COL27A1: variants seen among roughly 807,000 people sequenced by gnomAD.
The protein encoded by COL27A1 is collagen alpha-1(XXVII) chain.
COL27A1 carries 106 observed loss-of-function variants against 251.3 expected under a neutral mutation model. The ratio of observed to expected loss-of-function variants is 0.42; its 90% CI spans 0.36 to 0.50. The LOEUF (loss-of-function observed/expected upper bound fraction) is 0.50. Ranked by LOEUF, COL27A1 falls within the 20% of genes least tolerant of loss-of-function variation. The pLI is 0.00. For synonymous variants in COL27A1, 1,000 were observed against 986.3 expected (o/e 1.01, Z -0.26); for missense variants, 2,325 against 2,522.8 (o/e 0.92, Z 1.68).
intron 5 of COL27A1, among the ~76,000 whole-genome samples, chr9:114,192,152 G>A (rs1249934373): frequency 6.6e-6 from 1 of 152,196 alleles, no homozygotes; most frequent in Admixed American, 6.5e-5. Flanking sequence ...TAAGGACCTT[G>A]GGCAAGGGAG....
At chr9:114,265,775 C>T (rs1355256607) in intron 32 of COL27A1, among the ~76,000 whole-genome samples, 6 of 152,120 alleles carry the variant, frequency 3.9e-5, no homozygotes, top group Non-Finnish European at 8.8e-5. Context: ...CAGGGAAAGG[C>T]AGGAGGGAGG....
intron 25 of COL27A1, among the ~76,000 whole-genome samples, chr9:114,250,887 C>G (rs2808799): frequency 0.41 from 62,099 of 151,894 alleles, 13,328 homozygotes; most frequent in East Asian, 0.76. Flanking sequence ...CACAGTTAGA[C>G]TTTTGTGTGA....
chr9:114,258,339 C>G (rs552198729), intron 27 of COL27A1, among the ~76,000 whole-genome samples: 4 of 152,294 alleles, frequency 2.6e-5, no homozygotes, highest in African/African-American at 7.2e-5. Context: ...TGGCTGTGTT[C>G]GAGGCTGTGG....
Position 114,167,894 on chromosome 9 carries a change from C to T in COL27A1, c.339C>T (p.Phe113=). The part of the protein sequence containing the change: ...SLCSHRVNHA[F]LFAVRSQKRK... ...GCTCCCACCGGGTGAACCATGCCTT[C>T]CTCTTCGCTGTCCGCAGCCAGAAAC... Residue 113 remains phenylalanine (F), a synonymous_variant, in exon 3 of 61, where the codon TTC becomes TTT. Transcript: ENST00000356083. 6.2e-7 allele frequency: 1 copy of T among 1,613,092 alleles called. No individual in the cohort carries two copies. Among genetic ancestry groups the T allele is most frequent in the East Asian group, 2.2e-5 (1 of 44,874 alleles).
At chr9:114,182,914 A>G in intron 4 of COL27A1, 108 bp from the exon 5 acceptor site, 2 of 948,462 alleles carry the variant, frequency 2.1e-6, no homozygotes, top group East Asian at 2.4e-5. Context: ...TGGCTTGGGG[A>G]GAAGATAAAC....
chr9:114,287,639 C>T (rs377460181), intron 41 of COL27A1, among the ~76,000 whole-genome samples: 3 of 152,178 alleles, frequency 2.0e-5, no homozygotes, highest in African/African-American at 7.2e-5. Flanking sequence ...GCTTCCTGTG[C>T]CTTTCCTCAC....
intron 10 of COL27A1, among the ~76,000 whole-genome samples, chr9:114,207,008 T>C (rs1830012452): frequency 6.6e-6 from 1 of 152,194 alleles, no homozygotes; most frequent in Non-Finnish European, 1.5e-5. Context: ...ATCGTTTCTT[T>C]TACACACAAA....
chr9:114,292,748 T>C (rs555960718), intron 49 of COL27A1, among the ~76,000 whole-genome samples: 1 of 152,278 alleles, frequency 6.6e-6, no homozygotes, highest in South Asian at 2.1e-4. Flanking sequence ...AAGATAGATA[T>C]AGAAAAAGAC....
chr9:114,242,272 C>T (rs754209798), intron 22 of COL27A1, 41 bp downstream of exon 22: 1 of 1,571,074 alleles, frequency 6.4e-7, no homozygotes, highest in South Asian at 1.2e-5. Flanking sequence ...TTCATGGGAG[C>T]TGAGCCAGCT....
In COL27A1 at chr9:114,162,732, G is replaced by C; in HGVS notation, c.80G>C (p.Trp27Ser). Reference protein sequence around the residue: ...AARGGGFLFSWILVSFACHLA... With the variant: ...AARGGGFLFSSILVSFACHLA... ...GTCTCTAGGGGGTTTCTCTTCTCCTGGATCTTAGTCTCGTTTGCCTGTCAC... is the reference window on the plus strand; with the variant it reads ...GTCTCTAGGGGGTTTCTCTTCTCCTCGATCTTAGTCTCGTTTGCCTGTCAC... The change falls in exon 2 of 61, where the codon TGG (tryptophan) becomes TCG (serine). Residue 27 changes from tryptophan (W) to serine (S), a missense_variant. Coordinates refer to ENST00000356083, the MANE Select transcript of COL27A1 (RefSeq NM_032888.4). 6.2e-7 allele frequency: 1 copy of C among 1,612,504 alleles called. No homozygotes were observed. The highest frequency in any genetic ancestry group is 8.5e-7 in the Non-Finnish European group (1 of 1,179,492).
intron 41 of COL27A1, among the ~76,000 whole-genome samples, chr9:114,288,175 G>A (rs1013657814): frequency 1.3e-5 from 2 of 152,118 alleles, no homozygotes; most frequent in African/African-American, 4.8e-5. Flanking sequence ...TTTGCAAGCC[G>A]GGATGTGAAT....
intron 9 of COL27A1, 56 bp downstream of exon 9, chr9:114,205,868 A>T: frequency 6.7e-7 from 1 of 1,499,544 alleles, no homozygotes; most frequent in Non-Finnish European, 9.1e-7. Context: ...AGATGGCCAC[A>T]GGTGCCCCGA....
chr9:114,211,175 G>T (rs1022559317), intron 12 of COL27A1, 149 bp downstream of exon 12: 2 of 832,774 alleles, frequency 2.4e-6, no homozygotes, highest in Non-Finnish European at 4.0e-6. Flanking sequence ...CTGGCCACAG[G>T]ACCTGCTGCT....
At chr9:114,180,126 CACTG>C (rs1327861336) in intron 4 of COL27A1, among the ~76,000 whole-genome samples, 1 of 151,580 alleles carries the variant, frequency 6.6e-6, no homozygotes, top group Non-Finnish European at 1.5e-5. Flanking sequence ...GAGTGTGAGC[CACTG>C]CGCCTAGCCC....
At chr9:114,175,486 C>G (rs375469306) in intron 3 of COL27A1, among the ~76,000 whole-genome samples, 5 of 152,208 alleles carry the variant, frequency 3.3e-5, no homozygotes, top group African/African-American at 1.2e-4. Context: ...GGGTCCAGCC[C>G]GTGGCTAGCA....
At chr9:114,231,679 G>C (rs1831963448) in intron 15 of COL27A1, 143 bp from the exon 16 acceptor site, 1 of 801,708 alleles carries the variant, frequency 1.2e-6, no homozygotes, top group Non-Finnish European at 2.2e-6. Flanking sequence ...TGAGATTGGA[G>C]TCATTTGCCC....
rs1456098036 is a variant in COL27A1, at chr9:114,307,833, G to T, written c.5217+55G>T. On this transcript the variant is annotated intron_variant, in intron 59 of 60. Transcript: ENST00000356083. ...GGCTGTCTGCCTCTATCCCCAGCCT[G>T]CCCTGGGCCACAACCAACCCAGGTT... The T allele has an allele frequency of 6.7e-6, 9 of 1,348,276 alleles. No homozygotes were observed. In the South Asian group the frequency reaches 8.6e-5, roughly 13 times the overall value. The allele number at this position is 1,348,276 out of a possible 1,614,324, so 83.5% of individuals were successfully genotyped here.
chr9:114,184,774 C>T (rs1011877357), intron 5 of COL27A1, among the ~76,000 whole-genome samples: 5 of 152,132 alleles, frequency 3.3e-5, no homozygotes, highest in African/African-American at 9.7e-5. Context: ...AGGCACGGGT[C>T]GAGTAAGACA....
chr9:114,168,935 T>C lies in COL27A1; in HGVS notation c.1380T>C (p.Thr460=). The change falls in exon 3 of 61, where the codon ACT becomes ACC. Residue 460 remains threonine (T), a synonymous_variant. Coordinates refer to ENST00000356083, the MANE Select transcript of COL27A1 (RefSeq NM_032888.4). The part of the protein sequence containing the change: ...SKKPIPTLAR[T]EAKITSHASK... ...AACCCATTCCCACACTAGCTCGGAC[T>C]GAGGCCAAGATAACCAGCCATGCCA... 6.2e-7 allele frequency: 1 copy of C among 1,614,078 alleles called. No homozygotes were observed.
Sources: allele counts gnomAD v4.1 joint callset (sites outside exome capture counted in the v4.1 genomes callset), GRCh38; gene constraint gnomAD v4.1.1; transcripts MANE v1.5; gene names NCBI Gene and HGNC (gene_info 2026-07-23, HGNC 2026-07-21).